ZDHHC5: variants seen among roughly 807,000 people sequenced by gnomAD.
ZDHHC5 encodes palmitoyltransferase ZDHHC5.
ZDHHC5 carries 22 observed loss-of-function variants against 70.0 expected under a neutral mutation model. The ratio of observed to expected loss-of-function variants is 0.31; its 90% CI spans 0.22 to 0.45. The LOEUF (loss-of-function observed/expected upper bound fraction) is 0.45. ZDHHC5 is among the 20% of genes least tolerant of loss of function. The pLI is 1.00. For missense variants in ZDHHC5, 746 were observed against 926.9 expected (o/e 0.80, Z 2.53); for synonymous variants, 313 against 347.8 (o/e 0.90, Z 1.11).
intron 3 of ZDHHC5, 62 bp from the exon 4 acceptor site, chr11:57,688,445 GA>G: frequency 6.9e-7 from 1 of 1,438,944 alleles, no homozygotes; most frequent in Non-Finnish European, 9.2e-7. Flanking sequence ...AAACATCATT[GA>G]ATCCCTAGCA....
chr11:57,699,825 G>C (rs764748310), intron 11 of ZDHHC5, 41 bp from the exon 12 acceptor site: 3 of 1,612,722 alleles, frequency 1.9e-6, no homozygotes, highest in Middle Eastern at 1.7e-4. Context: ...AATGTTTTCT[G>C]TCCCATTTCC....
At chr11:57,674,467 A>C (rs1352840571) in intron 2 of ZDHHC5, among the ~76,000 whole-genome samples, 1 of 152,218 alleles carries the variant, frequency 6.6e-6, no homozygotes, top group African/African-American at 2.4e-5. Flanking sequence ...TCATCAGAGC[A>C]TGCTGGATCT....
intron 9 of ZDHHC5, among the ~76,000 whole-genome samples, chr11:57,696,363 G>A (rs1433991569): frequency 6.6e-6 from 1 of 152,156 alleles, no homozygotes; most frequent in Admixed American, 6.5e-5. Context: ...TCAGCGAAGG[G>A]TATATCTATT....
intron 6 of ZDHHC5, among the ~76,000 whole-genome samples, 169 bp downstream of exon 6, chr11:57,690,606 G>T (rs941520042): frequency 6.6e-6 from 1 of 152,174 alleles, no homozygotes; most frequent in Non-Finnish European, 1.5e-5. Context: ...TCATGTAAGT[G>T]TAGAGGCCAT....
In ZDHHC5 at chr11:57,690,027, C is replaced by T. The variant is rs1946261453; in HGVS notation, c.385-4C>T. 1 of 1,613,952 alleles carries T rather than the reference C, an allele frequency of 6.2e-7. No individual in the cohort carries two copies. Among genetic ancestry groups the T allele is most frequent in the Non-Finnish European group, 8.5e-7 (1 of 1,179,908 alleles). ...GCCTCTCATCTGTCTCTCTTTGTCC[C>T]TAGGAATTTGATCATCACTGCCCCT... On this transcript the variant is annotated splice_polypyrimidine_tract_variant and splice_region_variant and intron_variant, in intron 4 of 11. Coordinates refer to ENST00000287169, the MANE Select transcript of ZDHHC5 (RefSeq NM_015457.3).
At chr11:57,691,971 G>A (rs1946290927) in intron 6 of ZDHHC5, among the ~76,000 whole-genome samples, 1 of 152,018 alleles carries the variant, frequency 6.6e-6, no homozygotes, top group South Asian at 2.1e-4. Context: ...GCATATAATA[G>A]TAGCTAACCT....
intron 8 of ZDHHC5, among the ~76,000 whole-genome samples, chr11:57,695,061 G>T (rs553933904): frequency 6.6e-6 from 1 of 152,232 alleles, no homozygotes; most frequent in Non-Finnish European, 1.5e-5. Context: ...TTGGGAGCTC[G>T]AGACCAGCCT....
rs1299635410 is a variant in ZDHHC5 at position 57,698,860 on chromosome 11, C to T, written c.1424C>T (p.Thr475Ile). 6.2e-7 allele frequency: 1 copy of T among 1,614,228 alleles called. No individual in the cohort carries two copies. Among genetic ancestry groups the T allele is most frequent in the Admixed American group, 1.7e-5 (1 of 60,026 alleles). The change falls in exon 11 of 12, where the codon ACA becomes ATA. Residue 475 changes from threonine (T) to isoleucine (I), a missense_variant. By Grantham distance (89) the Thr-to-Ile change is moderately conservative. Coordinates refer to ENST00000287169, the MANE Select transcript of ZDHHC5 (RefSeq NM_015457.3). The stretch of plus-strand genomic sequence containing the variant: ...AGCCTATCTTATGACAGCTTGCTCA[C>T]ACCTTCAGACAGCCCTGATTTTGAG... Reference protein sequence around the residue: ...NGSLSYDSLLTPSDSPDFESV... With the variant: ...NGSLSYDSLLIPSDSPDFESV...
At chr11:57,670,183 T>C (rs1445475144) in intron 1 of ZDHHC5, among the ~76,000 whole-genome samples, 1 of 152,188 alleles carries the variant, frequency 6.6e-6, no homozygotes, top group Non-Finnish European at 1.5e-5. Context: ...TTTGCTTTAA[T>C]AGTACATATT....
chr11:57,680,484 A>G (rs543005044), intron 2 of ZDHHC5, among the ~76,000 whole-genome samples: 1 of 152,344 alleles, frequency 6.6e-6, no homozygotes, highest in Non-Finnish European at 1.5e-5. Flanking sequence ...GATGGAAACT[A>G]AGGTGAATAT....
At chr11:57,686,602 C>T (rs1946210933) in intron 3 of ZDHHC5, among the ~76,000 whole-genome samples, 1 of 152,062 alleles carries the variant, frequency 6.6e-6, no homozygotes, top group South Asian at 2.1e-4. Flanking sequence ...AGGCATGAGC[C>T]ACTGTGCCTG....
At position 57,696,831 on chromosome 11, in the gene ZDHHC5, C is replaced by T; in HGVS notation, c.1080C>T (p.Ser360=). Residue 360 remains serine (S), a synonymous_variant, in exon 10 of 12, where the codon AGC becomes AGT. Transcript: ENST00000287169. The stretch of plus-strand genomic sequence containing the variant: ...ACAAGTATCGGCCGGGTTACAGTAG[C>T]AGCAGTACGTCAGCTGCCATGCCGC... The part of the protein sequence containing the change: ...TMYKYRPGYS[S]SSTSAAMPHS... 6.2e-7 allele frequency: 1 copy of T among 1,614,060 alleles called. No homozygotes were observed. Among genetic ancestry groups the T allele is most frequent in the Non-Finnish European group, 8.5e-7 (1 of 1,179,920 alleles).
intron 1 of ZDHHC5, 73 bp from the exon 2 acceptor site, chr11:57,671,948 G>A (rs1349055563): frequency 3.3e-6 from 1 of 304,328 alleles, no homozygotes; most frequent in Non-Finnish European, 6.0e-6. Context: ...ACAGCAGCCT[G>A]TGGAATTTTA....
intron 1 of ZDHHC5, among the ~76,000 whole-genome samples, chr11:57,669,451 A>AT (rs1945973808): frequency 6.6e-6 from 1 of 152,090 alleles, no homozygotes; most frequent in Admixed American, 6.6e-5. Context: ...TATGGCATAC[A>AT]TATTACTTTT....
chr11:57,695,846 A>C, intron 8 of ZDHHC5, 74 bp from the exon 9 acceptor site: 2 of 1,542,194 alleles, frequency 1.3e-6, no homozygotes, highest in Non-Finnish European at 1.7e-6. Context: ...CCTCCCTCTT[A>C]TATCAATTTA....
chr11:57,700,151 C>A lies in ZDHHC5; in HGVS notation c.*120C>A. 1 of 1,301,048 alleles carries A rather than the reference C, an allele frequency of 7.7e-7. No homozygotes were observed. The highest frequency in any genetic ancestry group is 1.5e-5 in the African/African-American group (1 of 66,682). The allele number at this position is 1,301,048 out of a possible 1,614,324, so 80.6% of individuals were successfully genotyped here. The stretch of plus-strand genomic sequence containing the variant: ...ATGGACATTTTTTAAACCACCGATT[C>A]CAAGAGGATGAGGAGTGTTTTCTAA... On this transcript the variant is annotated 3_prime_UTR_variant, in exon 12 of 12. Coordinates refer to ENST00000287169, the MANE Select transcript of ZDHHC5 (RefSeq NM_015457.3).
chr11:57,674,906 A>G (rs1946051841), intron 2 of ZDHHC5, among the ~76,000 whole-genome samples: 1 of 152,170 alleles, frequency 6.6e-6, no homozygotes, highest in Admixed American at 6.5e-5. Context: ...GGAGTCTCTC[A>G]AGGATCTAGA....
intron 4 of ZDHHC5, among the ~76,000 whole-genome samples, chr11:57,689,427 G>C (rs778093805): frequency 1.3e-4 from 20 of 151,812 alleles, no homozygotes; most frequent in Non-Finnish European, 2.1e-4. Context: ...GCCCAGGCTG[G>C]AGTGCAATGG....
chr11:57,672,082 G>T lies in ZDHHC5; in HGVS notation c.-1009G>T, dbSNP rs1295918465. The T allele has an allele frequency of 1.8e-5, 7 of 393,498 alleles. No individual in the cohort carries two copies. The highest frequency in any genetic ancestry group is 4.1e-5 in the African/African-American group (2 of 48,536). The allele number at this position is 393,498 out of a possible 1,614,324, so 24.4% of individuals were successfully genotyped here. A position where few individuals can be genotyped will look rare whatever the true frequency, so the allele number is the denominator to read the frequency against. The stretch of plus-strand genomic sequence containing the variant: ...AAAGCTGAAGACTGAAGAAAGATAA[G>T]AGACATTGACTAGTCTGGAAACAGG... On this transcript the variant is annotated 5_prime_UTR_variant, in exon 2 of 12. Coordinates refer to ENST00000287169, the MANE Select transcript of ZDHHC5 (RefSeq NM_015457.3).
Sources: gnomAD v4.1 joint callset for allele counts (sites outside exome capture counted in the v4.1 genomes callset) on GRCh38, gnomAD v4.1.1 for gene constraint, MANE v1.5 for transcripts, NCBI Gene and HGNC (gene_info 2026-07-23, HGNC 2026-07-21) for gene names.